The following MPZL1 variants were observed in gnomAD, a reference collection of about 807,000 sequenced individuals.
MPZL1 encodes the protein myelin protein zero-like protein 1.
Under a neutral mutation model 29.3 loss-of-function variants are expected in MPZL1, and 16 were observed. The ratio of observed to expected loss-of-function variants is 0.55; its 90% CI spans 0.37 to 0.83. MPZL1 has a LOEUF of 0.83. MPZL1 is among the 40% of genes least tolerant of loss of function. MPZL1 has a pLI of 0.00. For synonymous variants in MPZL1, 143 were observed against 132.0 expected, an observed-to-expected ratio of 1.08 and a Z score of -0.57; for missense variants, 279 against 332.9, an observed-to-expected ratio of 0.84 and a Z score of 1.26.
intron 2 of MPZL1, among the ~76,000 whole-genome samples, chr1:167,771,990 G>T (rs569832967): frequency 1.3e-5 from 2 of 152,208 alleles, no homozygotes; most frequent in South Asian, 2.1e-4. Flanking sequence ...AGGCGTGGCC[G>T]CACGTGCCTG....
At chr1:167,776,493 G>A (rs1343022606) in intron 5 of MPZL1, among the ~76,000 whole-genome samples, 1 of 152,132 alleles carries the variant, frequency 6.6e-6, no homozygotes, top group African/African-American at 2.4e-5. Context: ...CCAAGGAAAT[G>A]AATCTAATGA....
chr1:167,740,750 A>T (rs533338820), intron 1 of MPZL1, among the ~76,000 whole-genome samples: 2 of 152,246 alleles, frequency 1.3e-5, no homozygotes, highest in South Asian at 4.1e-4. Flanking sequence ...TACCTGCTTA[A>T]CTCCATTTAG....
intron 1 of MPZL1, among the ~76,000 whole-genome samples, chr1:167,723,007 T>G (rs1202209201): frequency 6.6e-6 from 1 of 152,182 alleles, no homozygotes; most frequent in African/African-American, 2.4e-5. Flanking sequence ...TCTTACCAAA[T>G]ATTGTGACTC....
intron 2 of MPZL1, 62 bp from the exon 3 acceptor site, chr1:167,772,213 T>C: frequency 7.5e-7 from 1 of 1,341,246 alleles, no homozygotes; most frequent in Non-Finnish European, 1.1e-6. Flanking sequence ...AGCATGCACA[T>C]TACAGAGTTT....
intron 1 of MPZL1, among the ~76,000 whole-genome samples, chr1:167,729,225 G>A (rs1390987270): frequency 4.6e-5 from 7 of 151,488 alleles, no homozygotes; most frequent in South Asian, 2.1e-4. Context: ...AGCTGAGATC[G>A]TGTCATCGCA....
At chr1:167,773,156 C>T (rs1571166791) in intron 3 of MPZL1, 80 bp from the exon 4 acceptor site, 1 of 1,442,074 alleles carries the variant, frequency 6.9e-7, no homozygotes, top group Non-Finnish European at 9.5e-7. Context: ...AATGAAGATA[C>T]TTGCTCGTTA....
intron 5 of MPZL1, among the ~76,000 whole-genome samples, chr1:167,783,397 AT>A (rs1238675243): frequency 2.0e-5 from 3 of 152,158 alleles, no homozygotes; most frequent in Non-Finnish European, 4.4e-5. Context: ...ATTTTTGTAT[AT>A]GTATTTGAGG....
intron 1 of MPZL1, among the ~76,000 whole-genome samples, chr1:167,727,829 T>C (rs189988319): frequency 2.6e-5 from 4 of 152,168 alleles, no homozygotes; most frequent in African/African-American, 9.6e-5. Flanking sequence ...TATCTTTGCC[T>C]TTAAACCCCT....
intron 1 of MPZL1, among the ~76,000 whole-genome samples, chr1:167,726,420 T>C (rs1660147100): frequency 6.6e-6 from 1 of 152,232 alleles, no homozygotes; most frequent in Non-Finnish European, 1.5e-5. Flanking sequence ...CTGTCTTGTT[T>C]ATAGAAGTAT....
chr1:167,779,347 G>A (rs1661442274), intron 5 of MPZL1, among the ~76,000 whole-genome samples: 1 of 152,142 alleles, frequency 6.6e-6, no homozygotes, highest in Non-Finnish European at 1.5e-5. Flanking sequence ...CACTTTGGGA[G>A]GCTGAGGTGG....
chr1:167,767,792 CTTTTTTTTTTTT>C (rs58079089), intron 2 of MPZL1, among the ~76,000 whole-genome samples: 1 of 58,108 alleles, frequency 1.7e-5, no homozygotes, highest in Non-Finnish European at 3.2e-5. Context: ...CCCTTTTCTG[CTTTTTTTTTTTT>C]TTTTTTTTTT....
intron 1 of MPZL1, among the ~76,000 whole-genome samples, chr1:167,750,564 T>G (rs1660735045): frequency 6.6e-6 from 1 of 151,896 alleles, no homozygotes; most frequent in African/African-American, 2.4e-5. Flanking sequence ...CTCCCCTTCC[T>G]CCCCCTCCCA....
intron 1 of MPZL1, among the ~76,000 whole-genome samples, chr1:167,742,153 C>T (rs1294908481): frequency 6.6e-6 from 1 of 151,850 alleles, no homozygotes; most frequent in Non-Finnish European, 1.5e-5. Context: ...ATTAGCCAGG[C>T]GTGGTGGCCC....
intron 2 of MPZL1, among the ~76,000 whole-genome samples, chr1:167,767,736 G>T (rs1661146122): frequency 6.7e-6 from 1 of 150,192 alleles, no homozygotes; most frequent in South Asian, 2.1e-4. Flanking sequence ...CATGGCCTTG[G>T]GATCCACATG....
chr1:167,782,227 A>G (rs902723416), intron 5 of MPZL1, among the ~76,000 whole-genome samples: 1 of 152,164 alleles, frequency 6.6e-6, no homozygotes, highest in African/African-American at 2.4e-5. Context: ...TTTTTTAAAT[A>G]TACCTGGTTA....
At chr1:167,731,350 T>C (rs2101748074) in intron 1 of MPZL1, among the ~76,000 whole-genome samples, 1 of 151,698 alleles carries the variant, frequency 6.6e-6, no homozygotes, top group South Asian at 2.1e-4. Flanking sequence ...GGCACGAGAA[T>C]CGCTTGAACC....
intron 1 of MPZL1, among the ~76,000 whole-genome samples, chr1:167,739,274 C>CATATATATATATATATATATAT (rs201991698): frequency 2.4e-5 from 2 of 83,302 alleles, no homozygotes; most frequent in South Asian, 3.6e-4. Context: ...TACATATATA[C>CATATATATATATATATATATAT]ATATATACAT....
At chr1:167,771,341 CAGA>C (rs1483236836) in intron 2 of MPZL1, among the ~76,000 whole-genome samples, 1 of 152,188 alleles carries the variant, frequency 6.6e-6, no homozygotes, top group Non-Finnish European at 1.5e-5. Context: ...CATCCCAAGG[CAGA>C]AGAATTTTTC....
chr1:167,779,309 C>T (rs979152703), intron 5 of MPZL1, among the ~76,000 whole-genome samples: 21 of 151,948 alleles, frequency 1.4e-4, no homozygotes, highest in African/African-American at 3.4e-4. Context: ...AATTGCTGGG[C>T]GCAGTGACTC....
Sources: gnomAD v4.1 joint callset for allele counts (sites outside exome capture counted in the v4.1 genomes callset) on GRCh38, gnomAD v4.1.1 for gene constraint, MANE v1.5 for transcripts, NCBI Gene and HGNC (gene_info 2026-07-23, HGNC 2026-07-21) for gene names.